Variants in SLC30A4 observed in about 807,000 individuals in gnomAD.
SLC30A4 encodes the protein solute carrier family 30 member 4.
SLC30A4 carries 20 observed loss-of-function variants against 41.7 expected under a neutral mutation model. The observed-to-expected ratio is 0.48, with a 90% confidence interval of 0.34 to 0.70. The LOEUF is 0.70. SLC30A4 is among the 30% of genes least tolerant of loss of function. The pLI is 0.01. For missense variants in SLC30A4, 441 were observed against 529.3 expected, an observed-to-expected ratio of 0.83 and a Z score of 1.64; for synonymous variants, 181 against 195.9, an observed-to-expected ratio of 0.92 and a Z score of 0.64.
At chr15:45,492,556 T>C (rs539442643) in intron 3 of SLC30A4, among the ~76,000 whole-genome samples, 2 of 152,240 alleles carry the variant, frequency 1.3e-5, no homozygotes, top group South Asian at 4.1e-4. Context: ...TTAAACGTTG[T>C]ATATAATAGC....
At position 45,482,498 on chromosome 15, in the gene SLC30A4, T is replaced by C. The variant is rs1194747469; in HGVS notation, c.*2665A>G. The stretch of plus-strand genomic sequence containing the variant: ...ATACATTTTTTAAGGAACAGGTCGA[T>C]ACAAAAGCGAGATATGCCTTTATAA... On this transcript the variant is annotated 3_prime_UTR_variant, in exon 8 of 8. Coordinates refer to ENST00000261867, the MANE Select transcript of SLC30A4 (RefSeq NM_013309.6). The C allele has an allele frequency of 1.3e-5, 2 of 152,100 alleles. No homozygotes were observed. The highest frequency in any genetic ancestry group is 1.9e-4 in the East Asian group (1 of 5,200). 9.4% of individuals were successfully genotyped at this position (152,100 alleles called of 1,614,324 possible). A position where few individuals can be genotyped will look rare whatever the true frequency, so the allele number is the denominator to read the frequency against.
chr15:45,516,707 A>G (rs1892490147), intron 2 of SLC30A4, among the ~76,000 whole-genome samples: 1 of 152,136 alleles, frequency 6.6e-6, no homozygotes, highest in African/African-American at 2.4e-5. Context: ...CGTCTCTACT[A>G]AAAATACTAA....
chr15:45,516,507 T>C (rs1857493027), intron 2 of SLC30A4, among the ~76,000 whole-genome samples: 2 of 152,208 alleles, frequency 1.3e-5, no homozygotes, highest in South Asian at 4.1e-4. Context: ...AAAATTTTTG[T>C]TGCTATCTTT....
intron 3 of SLC30A4, among the ~76,000 whole-genome samples, chr15:45,496,226 A>G (rs752767317): frequency 6.6e-6 from 1 of 152,184 alleles, no homozygotes; most frequent in Non-Finnish European, 1.5e-5. Context: ...AATACCATAA[A>G]TAGGACTAAC....
chr15:45,501,303 A>G (rs113269268), intron 3 of SLC30A4, among the ~76,000 whole-genome samples: 31,227 of 151,694 alleles, frequency 0.21, 4,702 homozygotes, highest in African/African-American at 0.43. Flanking sequence ...GCGAAACTCC[A>G]TCTCAAAAAA....
At position 45,522,348 on chromosome 15, in the gene SLC30A4, C is replaced by T. The variant is rs777800512; in HGVS notation, c.7G>A (p.Gly3Ser). 5.0e-6 allele frequency: 8 copies of T among 1,605,700 alleles called. No homozygotes were observed. The highest frequency in any genetic ancestry group is 6.8e-6 in the Non-Finnish European group (8 of 1,176,250). Residue 3 changes from glycine to serine, a missense_variant, in exon 2 of 8, where the codon GGC (glycine) becomes AGC (serine). Gly to Ser is a moderately conservative substitution (Grantham distance 56). This residue lies in a region of SLC30A4 where 312 missense variants were observed against 341.9 expected (regional missense o/e 0.91). Transcript: ENST00000261867. The part of the protein sequence containing the change: MA[G>S]SGAWKRLKSM... ...TTGAGGCGCTTCCACGCGCCAGAGCCGGCCATGGCAGAGGCTGAGCGGCCG... is the reference window on the plus strand; with the variant it reads ...TTGAGGCGCTTCCACGCGCCAGAGCTGGCCATGGCAGAGGCTGAGCGGCCG...
In SLC30A4 at chr15:45,485,105, T is replaced by G; in HGVS notation, c.*58A>C. 1 of 1,380,690 alleles carries G rather than the reference T, an allele frequency of 7.2e-7. No homozygotes were observed. The allele number at this position is 1,380,690 out of a possible 1,614,324, so 85.5% of individuals were successfully genotyped here. On this transcript the variant is annotated 3_prime_UTR_variant, in exon 8 of 8. Transcript: ENST00000261867. ...TTTTCTCATTTAGGTTTGCATTTATTGCTCTCAAGTCTGTGACTGCAGGAT... is the reference window on the plus strand; with the variant it reads ...TTTTCTCATTTAGGTTTGCATTTATGGCTCTCAAGTCTGTGACTGCAGGAT...
In SLC30A4 at chr15:45,484,625, A is replaced by G. The variant is rs961299369; in HGVS notation, c.*538T>C. On this transcript the variant is annotated 3_prime_UTR_variant, in exon 8 of 8. Coordinates refer to ENST00000261867, the MANE Select transcript of SLC30A4 (RefSeq NM_013309.6). ...TTAAGACTTATGTGTGAAATAAAACATTTCTGAAACACTTAGGAATACATG... is the reference window on the plus strand; with the variant it reads ...TTAAGACTTATGTGTGAAATAAAACGTTTCTGAAACACTTAGGAATACATG... The G allele has an allele frequency of 2.2e-4, 34 of 152,312 alleles. No homozygotes were observed. The highest frequency in any genetic ancestry group is 3.1e-4 in the Non-Finnish European group (21 of 68,110). 9.4% of individuals were successfully genotyped at this position (152,312 alleles called of 1,614,324 possible). A position where few individuals can be genotyped will look rare whatever the true frequency, so the allele number is the denominator to read the frequency against.
intron 4 of SLC30A4, among the ~76,000 whole-genome samples, chr15:45,489,633 G>C (rs372229782): frequency 1.0e-5 from 1 of 98,284 alleles, no homozygotes; most frequent in African/African-American, 4.0e-5. Context: ...GTGGGGGGAG[G>C]GGGGAGGGAT....
chr15:45,522,042 G>GTATCTCTCTCTGTTTGCTGCAGT lies in SLC30A4; in HGVS notation c.290_312dup (p.Leu105ThrfsTer9). On this transcript the variant is annotated frameshift_variant, in exon 2 of 8. Transcript: ENST00000261867. LOFTEE classifies it high-confidence loss of function. Reference sequence around the variant, plus strand: ...CTGGCTTTCACCTTTCTCTGCTTCAGTATCTCTCTCTGTTTGCTGCAGTTG... The same window carrying GTATCTCTCTCTGTTTGCTGCAGT: ...CTGGCTTTCACCTTTCTCTGCTTCAGTATCTCTCTCTGTTTGCTGCAGTTATCTCTCTCTGTTTGCTGCAGTTG... 1 of 1,614,166 alleles carries GTATCTCTCTCTGTTTGCTGCAGT rather than the reference G, an allele frequency of 6.2e-7. No individual in the cohort carries two copies. Among genetic ancestry groups the GTATCTCTCTCTGTTTGCTGCAGT allele is most frequent in the Non-Finnish European group, 8.5e-7 (1 of 1,180,008 alleles).
At chr15:45,503,736 C>T (rs1395725913) in intron 3 of SLC30A4, among the ~76,000 whole-genome samples, 5 of 152,094 alleles carry the variant, frequency 3.3e-5, no homozygotes, top group South Asian at 2.1e-4. Flanking sequence ...CACCTGAGGT[C>T]GGGAGTTCAA....
chr15:45,518,195 G>A (rs1892549237), intron 2 of SLC30A4, among the ~76,000 whole-genome samples: 2 of 152,050 alleles, frequency 1.3e-5, no homozygotes, highest in South Asian at 4.1e-4. Context: ...ACTCTGTTTG[G>A]GTAACTCCTA....
At chr15:45,498,653 G>A (rs1455010732) in intron 3 of SLC30A4, among the ~76,000 whole-genome samples, 1 of 152,094 alleles carries the variant, frequency 6.6e-6, no homozygotes, top group Non-Finnish European at 1.5e-5. Context: ...GCTATCCAGC[G>A]TGGACTACCT....
intron 2 of SLC30A4, among the ~76,000 whole-genome samples, chr15:45,515,602 G>A (rs1256384168): frequency 1.3e-5 from 2 of 151,836 alleles, no homozygotes; most frequent in African/African-American, 2.4e-5. Flanking sequence ...GCAGTGAGCC[G>A]AGATGGCGCC....
Position 45,493,000 on chromosome 15 carries a change from G to A in SLC30A4, c.539-2119C>T, listed in dbSNP as rs373949202. Among the ~76,000 whole-genome samples the A allele has an allele frequency of 5.9e-5, 9 of 152,296 alleles. No individual in the cohort carries two copies. The South Asian group carries it at 8.3e-4, about 14-fold the overall frequency. ...ATTTAAAAACAGTAAGGCCAGACGCGGTGGCTTATGCCTGTAATCCCAGCA... is the reference window on the plus strand; with the variant it reads ...ATTTAAAAACAGTAAGGCCAGACGCAGTGGCTTATGCCTGTAATCCCAGCA... On this transcript the variant is annotated intron_variant, in intron 3 of 7. Transcript: ENST00000261867.
chr15:45,492,212 C>CA (rs1163243140), intron 3 of SLC30A4, among the ~76,000 whole-genome samples: 2,314 of 67,454 alleles, frequency 0.034, 32 homozygotes, highest in African/African-American at 0.045. Flanking sequence ...CTGTAGCATC[C>CA]AAAAAAAAAA....
Position 45,490,859 on chromosome 15 carries a change from A to G in SLC30A4, c.561T>C (p.Ser187=). ...HRLEVLSAMI[S]VLLVYILMGF... ...CCATAAGTATATACACCAACAGCACACTAATCATAGCTGACAAAACCTCTA... is the reference window on the plus strand; with the variant it reads ...CCATAAGTATATACACCAACAGCACGCTAATCATAGCTGACAAAACCTCTA... Residue 187 remains serine (S), a synonymous_variant, in exon 4 of 8, where the codon AGT becomes AGC. Transcript: ENST00000261867. The G allele has an allele frequency of 1.3e-6, 2 of 1,593,190 alleles. No individual in the cohort carries two copies. Among genetic ancestry groups the G allele is most frequent in the Non-Finnish European group, 1.7e-6 (2 of 1,170,042 alleles).
intron 3 of SLC30A4, among the ~76,000 whole-genome samples, chr15:45,509,959 C>T (rs1041163820): frequency 2.0e-5 from 3 of 152,174 alleles, no homozygotes; most frequent in Admixed American, 6.5e-5. Flanking sequence ...ATAGTCCCAG[C>T]TACTCGGGAG....
intron 3 of SLC30A4, among the ~76,000 whole-genome samples, chr15:45,492,839 G>A (rs1891835626): frequency 6.6e-6 from 1 of 152,052 alleles, no homozygotes; most frequent in Non-Finnish European, 1.5e-5. Context: ...CTTGGGTGAG[G>A]AGAACTGGTG....
Sources: allele counts gnomAD v4.1 joint callset (sites outside exome capture counted in the v4.1 genomes callset), GRCh38; gene constraint gnomAD v4.1.1; regional missense constraint gnomAD v4.1.1; transcripts MANE v1.5; gene names NCBI Gene and HGNC (gene_info 2026-07-23, HGNC 2026-07-21).